Variants in ZNF227 observed in about 807,000 individuals in gnomAD.
ZNF227 encodes zinc finger protein 227.
ZNF227 carries 12 observed loss-of-function variants against 13.2 expected under a neutral mutation model. The observed-to-expected ratio is 0.91, with a 90% CI of 0.58 to 1.47. The LOEUF (loss-of-function observed/expected upper bound fraction) is 1.47, where lower values mean the gene tolerates loss of function less well. ZNF227 is among the 40% of genes most tolerant of loss of function. The pLI, the probability that ZNF227 is intolerant of heterozygous loss-of-function variation, is 0.00. For missense variants in ZNF227, 885 were observed against 967.5 expected, an observed-to-expected ratio of 0.91 and a Z score of 1.13; for synonymous variants, 338 against 326.0, an observed-to-expected ratio of 1.04 and a Z score of -0.40.
In ZNF227 at chr19:44,236,662, TAA is replaced by T. The variant is rs762474646; in HGVS notation, c.2234_2235del (p.Lys745MetfsTer2). ...LGVHTREKLFKCEECGKGFSQ... is the reference protein window; with the variant it reads ...LGVHTREKLFXCEECGKGFSQ... The stretch of plus-strand genomic sequence containing the variant: ...GTGTTCACACCAGGGAAAAACTCTT[TAA>T]ATGTGAAGAGTGTGGTAAAGGCTTC... On this transcript the variant is annotated frameshift_variant, in exon 6 of 6. Coordinates refer to ENST00000313040, the MANE Select transcript of ZNF227 (RefSeq NM_182490.3). LOFTEE classifies it low-confidence loss of function (END_TRUNC). 1.3e-5 allele frequency: 21 copies of T among 1,611,560 alleles called. No homozygotes were observed. The highest frequency in any genetic ancestry group is 1.7e-5 in the Non-Finnish European group (20 of 1,179,388).
intron 3 of ZNF227, among the ~76,000 whole-genome samples, chr19:44,226,263 C>T (rs979315683): frequency 6.6e-6 from 1 of 152,228 alleles, no homozygotes; most frequent in African/African-American, 2.4e-5. Context: ...TGCCGGATCT[C>T]AGATCTCCAG....
At chr19:44,228,631 C>CA in intron 4 of ZNF227, 59 bp downstream of exon 4, 7 of 1,539,522 alleles carry the variant, frequency 4.5e-6, no homozygotes, top group Non-Finnish European at 6.1e-6. Flanking sequence ...TCTTTGCTCT[C>CA]AGGTGTTTAA....
chr19:44,225,593 C>A (rs1457445109), intron 3 of ZNF227, among the ~76,000 whole-genome samples: 2 of 152,180 alleles, frequency 1.3e-5, no homozygotes, highest in East Asian at 3.8e-4. Flanking sequence ...TCATGTAGTT[C>A]TCGAGCCTTG....
intron 2 of ZNF227, chr19:44,213,450 A>T (rs1334919834): frequency 1.3e-5 from 2 of 152,216 alleles, no homozygotes; most frequent in African/African-American, 2.4e-5. Context: ...GACCATAGCT[A>T]TTGATGAAGT....
In ZNF227 at chr19:44,236,481, G is replaced by T. The variant is rs1258545606; in HGVS notation, c.2051G>T (p.Gly684Val). ...QFIYHQRGHT[G>V]EKPYKCEECG... ...ATATACCATCAGAGAGGCCACACTG[G>T]AGAAAAACCTTACAAATGTGAAGAG... The change falls in exon 6 of 6, where the codon GGA (glycine) becomes GTA (valine). Residue 684 changes from glycine to valine, a missense_variant. Gly to Val is a moderately radical substitution (Grantham distance 109). Transcript: ENST00000313040. The T allele has an allele frequency of 3.1e-6, 5 of 1,614,066 alleles. No individual in the cohort carries two copies. The highest frequency in any genetic ancestry group is 4.2e-6 in the Non-Finnish European group (5 of 1,180,036).
chr19:44,211,151 C>T (rs184408572), upstream of ZNF227, among the ~76,000 whole-genome samples: 602 of 151,254 alleles, frequency 4.0e-3, 3 homozygotes, highest in African/African-American at 0.014. Flanking sequence ...TGCAATGAGC[C>T]GAGGTCATGC....
intron 3 of ZNF227, among the ~76,000 whole-genome samples, chr19:44,226,551 C>T (rs930804776): frequency 3.9e-5 from 6 of 152,198 alleles, no homozygotes; most frequent in Admixed American, 1.3e-4. Context: ...ATCAGCGAGA[C>T]TCTGTGGGCG....
chr19:44,235,551 A>G lies in ZNF227; in HGVS notation c.1121A>G (p.His374Arg). The G allele has an allele frequency of 1.9e-6, 3 of 1,614,234 alleles. No homozygotes were observed. Among genetic ancestry groups the G allele is most frequent in the Non-Finnish European group, 2.5e-6 (3 of 1,180,040 alleles). Residue 374 changes from histidine to arginine, a missense_variant, in exon 6 of 6, where the codon CAC (histidine) becomes CGC (arginine). By Grantham distance (29) the His-to-Arg change is conservative. Transcript: ENST00000313040. ...SSNFQCHQRVHTEEKPYKCEE... is the reference protein window; with the variant it reads ...SSNFQCHQRVRTEEKPYKCEE... ...AATTTTCAGTGCCATCAGAGAGTCC[A>G]CACTGAAGAAAAACCATACAAATGC...
intron 3 of ZNF227, 104 bp from the exon 4 acceptor site, chr19:44,228,342 A>C: frequency 5.2e-6 from 7 of 1,350,760 alleles, no homozygotes; most frequent in Non-Finnish European, 7.1e-6. Flanking sequence ...GATCTCTTGG[A>C]ATCTATAACA....
Position 44,235,147 on chromosome 19 carries a change from C to T in ZNF227, c.717C>T (p.Ser239=), listed in dbSNP as rs769426183. 56 of 1,614,012 alleles carry T rather than the reference C, an allele frequency of 3.5e-5. No individual in the cohort carries two copies. Among genetic ancestry groups the T allele is most frequent in the Non-Finnish European group, 4.7e-5 (55 of 1,180,038 alleles). The change falls in exon 6 of 6, where the codon TCC becomes TCT. Residue 239 remains serine, a synonymous_variant. Transcript: ENST00000313040. ...NEYGKIISDG[S]NQKLPLGEKP... The stretch of plus-strand genomic sequence containing the variant: ...ATGGCAAAATCATTAGTGATGGCTC[C>T]AATCAGAAATTACCCTTAGGAGAGA...
At chr19:44,229,576 C>T (rs1973560763) in intron 4 of ZNF227, among the ~76,000 whole-genome samples, 157 bp from the exon 5 acceptor site, 1 of 152,202 alleles carries the variant, frequency 6.6e-6, no homozygotes, top group Non-Finnish European at 1.5e-5. Context: ...TGTGCCATTG[C>T]ACTTCAGCCT....
At chr19:44,223,987 GAC>G (rs958574530) in intron 3 of ZNF227, among the ~76,000 whole-genome samples, 9 of 152,318 alleles carry the variant, frequency 5.9e-5, no homozygotes, top group Admixed American at 1.3e-4. Flanking sequence ...TGAGAACAAA[GAC>G]ACATCTTTAT....
intron 5 of ZNF227, among the ~76,000 whole-genome samples, chr19:44,234,284 C>T (rs753312868): frequency 2.6e-4 from 40 of 152,186 alleles, no homozygotes; most frequent in Non-Finnish European, 4.8e-4. Flanking sequence ...TATTTCATGC[C>T]TACAGTCTGA....
intron 4 of ZNF227, among the ~76,000 whole-genome samples, chr19:44,229,320 T>G (rs967303411): frequency 4.6e-5 from 7 of 152,124 alleles, no homozygotes; most frequent in Non-Finnish European, 7.4e-5. Context: ...TTAAAATAAA[T>G]CACTCTAGAG....
At chr19:44,233,911 G>T (rs761608529) in intron 5 of ZNF227, among the ~76,000 whole-genome samples, 1 of 151,948 alleles carries the variant, frequency 6.6e-6, no homozygotes, top group Non-Finnish European at 1.5e-5. Flanking sequence ...AAAAAATGGC[G>T]TATGGTGGTA....
At chr19:44,209,152 A>G (rs1240482543), upstream of ZNF227, among the ~76,000 whole-genome samples, 1 of 152,218 alleles carries the variant, frequency 6.6e-6, no homozygotes, top group African/African-American at 2.4e-5. Flanking sequence ...CATACCACCC[A>G]CATGGTATTT....
chr19:44,235,821 A>T lies in ZNF227; in HGVS notation c.1391A>T (p.Tyr464Phe). 6.2e-7 allele frequency: 1 copy of T among 1,614,034 alleles called. No individual in the cohort carries two copies. The highest frequency in any genetic ancestry group is 1.3e-5 in the African/African-American group (1 of 74,986). The change falls in exon 6 of 6, where the codon TAC becomes TTC. Residue 464 changes from tyrosine to phenylalanine, a missense_variant. Transcript: ENST00000313040. The stretch of plus-strand genomic sequence containing the variant: ...AGAGTCCACACAGGAGAGAAGCCAT[A>T]CAAGTGTGAGGCGTGTGGGAAAGGC... ...HRRVHTGEKP[Y>F]KCEACGKGFT...
rs113864156 is a variant in ZNF227 at position 44,228,788 on chromosome 19, G to A, written c.187+216G>A. On this transcript the variant is annotated intron_variant, in intron 4 of 5. Coordinates refer to ENST00000313040, the MANE Select transcript of ZNF227 (RefSeq NM_182490.3). ...CTGGTTCTCAACCATGGGTGATTTC[G>A]CCCCCAGAAGATATTTGGCAATGTC... 23 of 507,482 alleles carry A rather than the reference G, an allele frequency of 4.5e-5. 1 individual carries two copies. The highest frequency in any genetic ancestry group is 2.8e-4 in the African/African-American group (14 of 50,188). The allele number at this position is 507,482 out of a possible 1,614,324, so 31.4% of individuals were successfully genotyped here. A position where few individuals can be genotyped will look rare whatever the true frequency, so the allele number is the denominator to read the frequency against.
chr19:44,235,717 C>G lies in ZNF227; in HGVS notation c.1287C>G (p.Val429=), dbSNP rs760769950. The change falls in exon 6 of 6, where the codon GTC becomes GTG. Residue 429 remains valine (V), a synonymous_variant. Coordinates refer to ENST00000313040, the MANE Select transcript of ZNF227 (RefSeq NM_182490.3). ...QAAHFHIHQR[V]HTGEKPYKCD... Reference sequence around the variant, plus strand: ...CACATTTTCACATCCATCAGAGAGTCCACACTGGAGAGAAACCCTACAAGT... The same window carrying G: ...CACATTTTCACATCCATCAGAGAGTGCACACTGGAGAGAAACCCTACAAGT... 6 of 1,613,856 alleles carry G rather than the reference C, an allele frequency of 3.7e-6. No homozygotes were observed. The highest frequency in any genetic ancestry group is 2.2e-5 in the East Asian group (1 of 44,828).
Sources: gnomAD v4.1 joint callset for allele counts (sites outside exome capture counted in the v4.1 genomes callset) on GRCh38, gnomAD v4.1.1 for gene constraint, MANE v1.5 for transcripts, NCBI Gene and HGNC (gene_info 2026-07-23, HGNC 2026-07-21) for gene names.